Variants in TCF12 observed in about 807,000 individuals in gnomAD.
TCF12 encodes DNA-binding protein HTF4.
A neutral mutation model predicts 86.0 loss-of-function variants in TCF12; 45 were observed. That is an observed-to-expected ratio of 0.52 (90% CI 0.41 to 0.67). The LOEUF (loss-of-function observed/expected upper bound fraction) is 0.67. Among genes scored for constraint, TCF12 ranks in the 30% least tolerant of loss-of-function variants. The pLI is 0.00. For synonymous variants in TCF12, 330 were observed against 299.6 expected, an observed-to-expected ratio of 1.10 and a Z score of -1.05; for missense variants, 881 against 859.9, an observed-to-expected ratio of 1.02 and a Z score of -0.31.
chr15:57,185,308 T>C (rs946627352), intron 6 of TCF12, among the ~76,000 whole-genome samples: 24 of 152,204 alleles, frequency 1.6e-4, no homozygotes, highest in African/African-American at 5.3e-4. Context: ...TTGAATAAGC[T>C]TTAAAGAAAC....
chr15:57,230,276 A>G (rs1421321098), intron 8 of TCF12, among the ~76,000 whole-genome samples: 1 of 152,006 alleles, frequency 6.6e-6, no homozygotes, highest in Non-Finnish European at 1.5e-5. Flanking sequence ...TTTGTTTCAT[A>G]CACTGCTCAT....
At chr15:56,980,134 C>T (rs2062819110) in intron 3 of TCF12, among the ~76,000 whole-genome samples, 2 of 151,982 alleles carry the variant, frequency 1.3e-5, no homozygotes, top group Admixed American at 6.6e-5. Context: ...CTAGATGAGA[C>T]GATTTCTTGA....
intron 3 of TCF12, among the ~76,000 whole-genome samples, chr15:56,951,458 A>G (rs1020872109): frequency 3.3e-5 from 5 of 151,950 alleles, no homozygotes; most frequent in African/African-American, 1.2e-4. Context: ...CCTTTACGAG[A>G]TACATGGTTT....
At chr15:56,942,057 T>C (rs2060803024) in intron 3 of TCF12, among the ~76,000 whole-genome samples, 1 of 152,222 alleles carries the variant, frequency 6.6e-6, no homozygotes. Flanking sequence ...TTTCAAACAG[T>C]AACTTTTATT....
chr15:56,936,431 G>C (rs2060473372), intron 3 of TCF12, among the ~76,000 whole-genome samples: 1 of 152,098 alleles, frequency 6.6e-6, no homozygotes, highest in Admixed American at 6.6e-5. Flanking sequence ...TCTGTGTGTT[G>C]TCTGTTTACT....
intron 3 of TCF12, among the ~76,000 whole-genome samples, chr15:56,993,933 A>G (rs148336616): frequency 2.6e-5 from 4 of 152,240 alleles, no homozygotes; most frequent in Non-Finnish European, 5.9e-5. Context: ...TACCATCATG[A>G]TAATAACGTT....
chr15:57,025,929 A>G (rs1484499467), intron 3 of TCF12, among the ~76,000 whole-genome samples: 1 of 152,318 alleles, frequency 6.6e-6, no homozygotes. Context: ...TTAGAAAGGC[A>G]TGTTTAGGAT....
At position 57,111,081 on chromosome 15, in the gene TCF12, C is replaced by T. The variant is rs376481799; in HGVS notation, c.325+19190C>T. ...ACTTTAAATGGAATCATCTTTTTAA[C>T]GTCCTCTCTTTTTTGGCCTGCTGTG... On this transcript the variant is annotated intron_variant, in intron 5 of 20. Transcript: ENST00000333725. Among the ~76,000 whole-genome samples, 98 of 152,144 alleles carry T rather than the reference C, an allele frequency of 6.4e-4. No individual in the cohort carries two copies. The South Asian group carries it at 0.02, about 31-fold the overall frequency.
rs1655996243 is a variant in TCF12, at chr15:56,989,935, G to A, written c.148+68837G>A. Among the ~76,000 whole-genome samples, 2 of 152,156 alleles carry A rather than the reference G, an allele frequency of 1.3e-5. 1 individual carries two copies. The highest frequency in any genetic ancestry group is 4.1e-4 in the South Asian group (2 of 4,822). On this transcript the variant is annotated intron_variant, in intron 3 of 20. Transcript: ENST00000333725. The stretch of plus-strand genomic sequence containing the variant: ...TGACCTGGCTGTTTTTCTAACTTCA[G>A]AGACGGACTTAAACAATAGAGTTTA...
chr15:57,091,898 T>C lies in TCF12; in HGVS notation c.325+7T>C, dbSNP rs774816575. 6.2e-7 allele frequency: 1 copy of C among 1,610,692 alleles called. No individual in the cohort carries two copies. Among genetic ancestry groups the C allele is most frequent in the South Asian group, 1.1e-5 (1 of 90,976 alleles). On this transcript the variant is annotated splice_region_variant and intron_variant, in intron 5 of 20. Coordinates refer to ENST00000333725, the MANE Select transcript of TCF12 (RefSeq NM_207037.2). ...ATGAACTCAAATCTGATGGGTAAGTTGGTAATTCTCTGCAAGTAGTCTTCT... is the reference window on the plus strand; with the variant it reads ...ATGAACTCAAATCTGATGGGTAAGTCGGTAATTCTCTGCAAGTAGTCTTCT...
Position 57,289,294 on chromosome 15 carries a change from G to A in TCF12, c.*3149G>A, listed in dbSNP as rs1261689543. The A allele has an allele frequency of 6.6e-6, 1 of 152,088 alleles. No homozygotes were observed. Among genetic ancestry groups the A allele is most frequent in the Non-Finnish European group, 1.5e-5 (1 of 68,012 alleles). 9.4% of individuals were successfully genotyped at this position (152,088 alleles called of 1,614,324 possible). A position where few individuals can be genotyped will look rare whatever the true frequency, so the allele number is the denominator to read the frequency against. On this transcript the variant is annotated 3_prime_UTR_variant, in exon 21 of 21. Transcript: ENST00000333725. ...CAAAACGATAAATAAAAAGCTCTAAGAAGAAAATGTATAATCTTAGAGCTG... is the reference window on the plus strand; with the variant it reads ...CAAAACGATAAATAAAAAGCTCTAAAAAGAAAATGTATAATCTTAGAGCTG...
intron 16 of TCF12, among the ~76,000 whole-genome samples, chr15:57,258,816 A>G (rs1167796034): frequency 6.6e-6 from 1 of 152,102 alleles, no homozygotes; most frequent in Non-Finnish European, 1.5e-5. Flanking sequence ...GAGAAACTAT[A>G]TTTTTCTTAG....
At chr15:57,214,165 T>A (rs2058236807) in intron 8 of TCF12, 1 of 152,244 alleles carries the variant, frequency 6.6e-6, no homozygotes, top group Non-Finnish European at 1.5e-5. Context: ...CCCTCTTTAA[T>A]TTTTCAAAGA....
At chr15:57,075,848 T>G (rs1212635428) in intron 4 of TCF12, among the ~76,000 whole-genome samples, 1 of 104,584 alleles carries the variant, frequency 9.6e-6, no homozygotes, top group Admixed American at 1.0e-4. Context: ...TCTTTCTTTC[T>G]TTCTTTCTTT....
chr15:57,118,691 C>T (rs1596622731), intron 5 of TCF12, among the ~76,000 whole-genome samples: 1 of 152,108 alleles, frequency 6.6e-6, no homozygotes, highest in Non-Finnish European at 1.5e-5. Flanking sequence ...CTAAAGTAGC[C>T]AGTATATTTT....
At chr15:57,167,904 T>A (rs1397127903) in intron 6 of TCF12, among the ~76,000 whole-genome samples, 1 of 152,206 alleles carries the variant, frequency 6.6e-6, no homozygotes, top group Non-Finnish European at 1.5e-5. Context: ...TAGATTAGCA[T>A]TGTGTCATAG....
At chr15:57,046,719 G>A (rs1242349338) in intron 3 of TCF12, among the ~76,000 whole-genome samples, 1 of 152,190 alleles carries the variant, frequency 6.6e-6, no homozygotes, top group Non-Finnish European at 1.5e-5. Flanking sequence ...GCCTCCCCAA[G>A]TGCTGGGATT....
At chr15:57,067,343 A>G (rs1471222658) in intron 4 of TCF12, among the ~76,000 whole-genome samples, 7 of 151,878 alleles carry the variant, frequency 4.6e-5, no homozygotes, top group African/African-American at 1.5e-4. Context: ...GATCGAGACC[A>G]TCCCGGCTAA....
chr15:56,923,697 T>TGTCTA (rs2059890376), intron 3 of TCF12, among the ~76,000 whole-genome samples: 1 of 152,148 alleles, frequency 6.6e-6, no homozygotes, highest in Non-Finnish European at 1.5e-5. Flanking sequence ...TGAGTGTGTA[T>TGTCTA]GTCTAGATTG....
Sources: allele counts gnomAD v4.1 joint callset (sites outside exome capture counted in the v4.1 genomes callset), GRCh38; gene constraint gnomAD v4.1.1; transcripts MANE v1.5; gene names NCBI Gene and HGNC (gene_info 2026-07-23, HGNC 2026-07-21).